Variants in KIF26B observed in about 807,000 individuals in gnomAD.
The protein encoded by KIF26B is kinesin family member 26B.
Under a neutral mutation model 151.2 loss-of-function variants are expected in KIF26B, and 63 were observed. The ratio of observed to expected loss-of-function variants is 0.42; its 90% CI spans 0.34 to 0.51. The LOEUF (loss-of-function observed/expected upper bound fraction) is 0.51. Among genes scored for constraint, KIF26B ranks in the 20% least tolerant of loss-of-function variants. The probability of loss-of-function intolerance (pLI) is 0.07; values close to 1 mark genes in which losing one functional copy is unlikely to be tolerated. For synonymous variants in KIF26B, 1,357 were observed against 1,262.1 expected (o/e 1.08, Z -1.59); for missense variants, 2,813 against 2,913.6 (o/e 0.97, Z 0.79).
At chr1:245,494,986 G>A (rs76794157) in intron 4 of KIF26B, among the ~76,000 whole-genome samples, 1 of 152,206 alleles carries the variant, frequency 6.6e-6, no homozygotes, top group East Asian at 1.9e-4. Context: ...GTTGCAGTGA[G>A]TCAACTTCAC....
intron 2 of KIF26B, among the ~76,000 whole-genome samples, chr1:245,328,406 A>G (rs1672037696): frequency 1.3e-5 from 2 of 152,078 alleles, no homozygotes; most frequent in South Asian, 4.1e-4. Context: ...AGTAGTTGCA[A>G]TTTCACCTTG....
At position 245,703,347 on chromosome 1, in the gene KIF26B, A is replaced by T. The variant is rs560275878; in HGVS notation, c.*741A>T. 6.6e-6 allele frequency: 1 copy of T among 152,442 alleles called. No individual in the cohort carries two copies. The highest frequency in any genetic ancestry group is 1.5e-5 in the Non-Finnish European group (1 of 68,050). 9.4% of individuals were successfully genotyped at this position (152,442 alleles called of 1,614,324 possible). On this transcript the variant is annotated 3_prime_UTR_variant, in exon 15 of 15. Coordinates refer to ENST00000407071, the MANE Select transcript of KIF26B (RefSeq NM_018012.4). ...AGGTTTGGAGCAGCAGGTGACCTCG[A>T]TGCCACATCCCAACAAGCAGCGTGG...
chr1:245,682,018 G>A (rs1328949576), intron 10 of KIF26B, among the ~76,000 whole-genome samples: 6 of 152,170 alleles, frequency 3.9e-5, no homozygotes, highest in Non-Finnish European at 7.3e-5. Context: ...CGAGGCGGGC[G>A]GATCGCCTGA....
At chr1:245,631,135 G>T (rs908637708) in intron 9 of KIF26B, among the ~76,000 whole-genome samples, 11 of 151,996 alleles carry the variant, frequency 7.2e-5, no homozygotes, top group African/African-American at 2.4e-4. Context: ...TTGCCTAATT[G>T]CTCTAGCTAG....
rs920293362 is a variant in KIF26B, at chr1:245,707,048, A to T, written c.*4442A>T. The T allele has an allele frequency of 2.0e-5, 3 of 152,220 alleles. No homozygotes were observed. The highest frequency in any genetic ancestry group is 7.2e-5 in the African/African-American group (3 of 41,448). The allele number at this position is 152,220 out of a possible 1,614,324, so 9.4% of individuals were successfully genotyped here. ...ATTTTAAAATTACAACCTGTTCATT[A>T]TTTCCATCATAATGCAAGCGTAATT... On this transcript the variant is annotated 3_prime_UTR_variant, in exon 15 of 15. Coordinates refer to ENST00000407071, the MANE Select transcript of KIF26B (RefSeq NM_018012.4).
At chr1:245,417,169 TG>T (rs532685549) in intron 3 of KIF26B, among the ~76,000 whole-genome samples, 2,383 of 152,238 alleles carry the variant, frequency 0.016, 35 homozygotes, top group Non-Finnish European at 0.022. Flanking sequence ...ACATAATATT[TG>T]TTTTTTTTTA....
At chr1:245,508,390 G>A (rs975779543) in intron 4 of KIF26B, among the ~76,000 whole-genome samples, 4 of 152,076 alleles carry the variant, frequency 2.6e-5, no homozygotes, top group African/African-American at 9.7e-5. Context: ...ACTGGCGCCC[G>A]CCACCACGCC....
chr1:245,431,214 C>T (rs1027539074), intron 4 of KIF26B, among the ~76,000 whole-genome samples: 2 of 151,968 alleles, frequency 1.3e-5, no homozygotes, highest in Admixed American at 6.6e-5. Flanking sequence ...AGTCTCGCTC[C>T]GTCGCCCAGG....
Position 245,597,253 on chromosome 1 carries a change from G to A in KIF26B, c.1351-5324G>A, listed in dbSNP as rs1453557706. On this transcript the variant is annotated intron_variant, in intron 5 of 14. Coordinates refer to ENST00000407071, the MANE Select transcript of KIF26B (RefSeq NM_018012.4). The surrounding 1 kb of genome is among the most constrained non-coding windows in gnomAD (Gnocchi z 4.6). ...GGTCTTTACAATTTGGTATCTTTGTGCAGTGGGCTGGTACCAGTTGATCCT... is the reference window on the plus strand; with the variant it reads ...GGTCTTTACAATTTGGTATCTTTGTACAGTGGGCTGGTACCAGTTGATCCT... 6.6e-6 allele frequency among the ~76,000 whole-genome samples: 1 copy of A among 152,172 alleles called. No homozygotes were observed. Among genetic ancestry groups the A allele is most frequent in the Non-Finnish European group, 1.5e-5 (1 of 68,038 alleles).
intron 2 of KIF26B, among the ~76,000 whole-genome samples, chr1:245,179,812 G>A (rs576889419): frequency 6.6e-6 from 1 of 152,198 alleles, no homozygotes; most frequent in South Asian, 2.1e-4. Flanking sequence ...TCTGAGCCAC[G>A]AGGACAAGCA....
rs1305355851 is a variant in KIF26B at position 245,698,122 on chromosome 1, G to A, written c.5841G>A (p.Arg1947=). 1 of 1,613,764 alleles carries A rather than the reference G, an allele frequency of 6.2e-7. No homozygotes were observed. The highest frequency in any genetic ancestry group is 1.3e-5 in the African/African-American group (1 of 74,902). ...CCTCCTCAGGTTCTCAGAGACGGAGGCTTATCCCAGCACTATCCCTGGACA... is the reference window on the plus strand; with the variant it reads ...CCTCCTCAGGTTCTCAGAGACGGAGACTTATCCCAGCACTATCCCTGGACA... ...KRSNPGSQRR[R]LIPALSLDTS... is the part of the protein sequence containing the mutation. The change falls in exon 13 of 15, where the codon AGG becomes AGA. Residue 1947 remains arginine, a synonymous_variant. Transcript: ENST00000407071. The surrounding 1 kb of genome is among the most constrained non-coding windows in gnomAD (Gnocchi z 4.0).
chr1:245,384,967 A>G (rs761826247), intron 3 of KIF26B, among the ~76,000 whole-genome samples: 4 of 152,138 alleles, frequency 2.6e-5, no homozygotes, highest in Non-Finnish European at 4.4e-5. Context: ...TCTTTTTGCT[A>G]TTAAATTACA....
intron 2 of KIF26B, among the ~76,000 whole-genome samples, chr1:245,360,880 G>A (rs370300359): frequency 6.6e-5 from 10 of 152,254 alleles, no homozygotes; most frequent in South Asian, 2.1e-4. Flanking sequence ...CGGGTGTGGC[G>A]GTGAACGCCT....
At chr1:245,548,933 T>C (rs35905709) in intron 5 of KIF26B, among the ~76,000 whole-genome samples, 55,403 of 151,742 alleles carry the variant, frequency 0.37, 10,323 homozygotes, top group Middle Eastern at 0.39. Flanking sequence ...TTAGTAGAGG[T>C]GGGGTTTCAC....
rs1051847639 is a variant in KIF26B, at chr1:245,667,701, C to G, written c.2259-16532C>G. ...GCATCTGCCCATCCTACGCAGTTCT[C>G]CAGGAAGGAGGTGGCAGGAGTGACA... On this transcript the variant is annotated intron_variant, in intron 10 of 14. Transcript: ENST00000407071. This position sits in a 1 kb window ranked among gnomAD's most constrained non-coding sequence, Gnocchi z 4.3. Among the ~76,000 whole-genome samples the G allele has an allele frequency of 2.0e-5, 3 of 152,172 alleles. No individual in the cohort carries two copies. Among genetic ancestry groups the G allele is most frequent in the Non-Finnish European group, 2.9e-5 (2 of 68,022 alleles).
chr1:245,699,275 C>T (rs1021979884), intron 14 of KIF26B, among the ~76,000 whole-genome samples: 2 of 152,160 alleles, frequency 1.3e-5, no homozygotes, highest in Admixed American at 1.3e-4. Flanking sequence ...TTCTACGTGT[C>T]TCAGTCCAAA....
At chr1:245,681,213 C>CTTTT (rs71674433) in intron 10 of KIF26B, among the ~76,000 whole-genome samples, 3 of 141,248 alleles carry the variant, frequency 2.1e-5, no homozygotes, top group Admixed American at 7.0e-5. Context: ...GTTTTCTTTT[C>CTTTT]TTTTTTTTTT....
At chr1:245,496,635 C>A (rs1660518324) in intron 4 of KIF26B, among the ~76,000 whole-genome samples, 1 of 152,040 alleles carries the variant, frequency 6.6e-6, no homozygotes, top group African/African-American at 2.4e-5. Flanking sequence ...GGAAAGAGAA[C>A]ATAAACTAGG....
At chr1:245,674,588 A>G (rs1221393481) in intron 10 of KIF26B, among the ~76,000 whole-genome samples, 1 of 152,206 alleles carries the variant, frequency 6.6e-6, no homozygotes, top group Admixed American at 6.5e-5. Context: ...CTATTTGTCT[A>G]TAAAGTCCAC....
Sources: gnomAD v4.1 joint callset for allele counts (sites outside exome capture counted in the v4.1 genomes callset) on GRCh38, gnomAD v4.1.1 for gene constraint, Gnocchi (gnomAD v3.1) non-coding constraint, MANE v1.5 for transcripts, NCBI Gene and HGNC (gene_info 2026-07-23, HGNC 2026-07-21) for gene names.